CHST3: variants seen among roughly 807,000 people sequenced by gnomAD.
CHST3 encodes the protein C6ST-1.
A neutral mutation model predicts 35.4 loss-of-function variants in CHST3; 20 were observed. The observed-to-expected ratio is 0.57, with a 90% CI of 0.40 to 0.82. CHST3 has a LOEUF of 0.82. CHST3 is among the 40% of genes least tolerant of loss of function. The pLI is 0.00. For missense variants in CHST3, 693 were observed against 670.1 expected (o/e 1.03, Z -0.38); for synonymous variants, 334 against 295.9 (o/e 1.13, Z -1.32).
At chr10:71,978,397 G>A (rs192619355) in intron 1 of CHST3, among the ~76,000 whole-genome samples, 145 of 151,882 alleles carry the variant, frequency 9.5e-4, no homozygotes, top group Admixed American at 6.4e-3. Context: ...GGCTCAGCTG[G>A]GCTTGGATCT....
chr10:71,969,965 T>C (rs1434156697), intron 1 of CHST3, among the ~76,000 whole-genome samples: 1 of 152,220 alleles, frequency 6.6e-6, no homozygotes, highest in African/African-American at 2.4e-5. Context: ...ACAGAAATGA[T>C]ATTTGCCACC....
chr10:71,968,890 C>G (rs114304921), intron 1 of CHST3, among the ~76,000 whole-genome samples: 2,151 of 152,208 alleles, frequency 0.014, 46 homozygotes, highest in African/African-American at 0.047. Context: ...GACAAAGCTG[C>G]CTCTTGTGAC....
In CHST3 at chr10:72,009,169, A is replaced by G. The variant is rs1409740449; in HGVS notation, c.*698A>G. 1 of 152,292 alleles carries G rather than the reference A, an allele frequency of 6.6e-6. No homozygotes were observed. The highest frequency in any genetic ancestry group is 2.4e-5 in the African/African-American group (1 of 41,462). The allele number at this position is 152,292 out of a possible 1,614,324, so 9.4% of individuals were successfully genotyped here. A position where few individuals can be genotyped will look rare whatever the true frequency, so the allele number is the denominator to read the frequency against. On this transcript the variant is annotated 3_prime_UTR_variant, in exon 3 of 3. Coordinates refer to ENST00000373115, the MANE Select transcript of CHST3 (RefSeq NM_004273.5). ...CACAAGTGCACACACATCTATGCAG[A>G]CAAGCTTCCTCGCTGCTTATGCCCA...
intron 1 of CHST3, among the ~76,000 whole-genome samples, chr10:71,997,299 G>C (rs918316276): frequency 1.3e-5 from 2 of 152,148 alleles, no homozygotes; most frequent in South Asian, 2.1e-4. Flanking sequence ...AAGTGAGATT[G>C]TATAGTATTT....
intron 1 of CHST3, among the ~76,000 whole-genome samples, chr10:71,991,709 G>C (rs953574646): frequency 6.6e-6 from 1 of 152,144 alleles, no homozygotes; most frequent in Non-Finnish European, 1.5e-5. Context: ...AAGTCAGGCG[G>C]ATCACCTGAG....
chr10:71,980,585 A>G (rs1839791308), intron 1 of CHST3, among the ~76,000 whole-genome samples: 1 of 152,240 alleles, frequency 6.6e-6, no homozygotes, highest in South Asian at 2.1e-4. Context: ...GTGCTAAAAC[A>G]ATCTGCTCCC....
At chr10:71,970,120 G>C (rs1331672239) in intron 1 of CHST3, among the ~76,000 whole-genome samples, 1 of 152,170 alleles carries the variant, frequency 6.6e-6, no homozygotes, top group East Asian at 1.9e-4. Context: ...TCAGCCCTCT[G>C]TCTCTATTGC....
At chr10:71,995,149 G>C (rs1237916639) in intron 1 of CHST3, among the ~76,000 whole-genome samples, 1 of 152,128 alleles carries the variant, frequency 6.6e-6, no homozygotes, top group African/African-American at 2.4e-5. Flanking sequence ...TTCCAGCCGG[G>C]TGCGGTGACT....
Position 71,987,156 on chromosome 10 carries a change from C to T in CHST3, c.-107-18580C>T, listed in dbSNP as rs116394717. 6.2e-3 allele frequency among the ~76,000 whole-genome samples: 939 copies of T among 152,192 alleles called. 11 individuals are homozygous for T. The highest frequency in any genetic ancestry group is 0.022 in the African/African-American group (895 of 41,522). ...GTCAGAGGATAGCAGCAGACACATG[C>T]GGACCAAGCCTCCTGCTGCCCAAGA... On this transcript the variant is annotated intron_variant, in intron 1 of 2. Coordinates refer to ENST00000373115, the MANE Select transcript of CHST3 (RefSeq NM_004273.5).
chr10:72,010,537 G>A lies in CHST3; in HGVS notation c.*2066G>A, dbSNP rs1425485755. On this transcript the variant is annotated 3_prime_UTR_variant, in exon 3 of 3. Transcript: ENST00000373115. ...CTATAATCAGCCTATTTGAGCTGCT[G>A]GGTCTCTGTCACTGTGGACTCCAGT... is the stretch of plus-strand genomic sequence containing the variant. 6.6e-6 allele frequency: 1 copy of A among 152,182 alleles called. No homozygotes were observed. Among genetic ancestry groups the A allele is most frequent in the African/African-American group, 2.4e-5 (1 of 41,430 alleles). 9.4% of individuals were successfully genotyped at this position (152,182 alleles called of 1,614,324 possible). A position where few individuals can be genotyped will look rare whatever the true frequency, so the allele number is the denominator to read the frequency against.
chr10:72,006,961 CT>C (rs1401137967), intron 2 of CHST3, among the ~76,000 whole-genome samples: 1 of 152,260 alleles, frequency 6.6e-6, no homozygotes, highest in Admixed American at 6.5e-5. Context: ...TCATGCACCT[CT>C]TTCCTCCCCT....
intron 1 of CHST3, among the ~76,000 whole-genome samples, chr10:71,976,449 G>T (rs1839746643): frequency 6.6e-6 from 1 of 152,148 alleles, no homozygotes; most frequent in Admixed American, 6.5e-5. Flanking sequence ...TACAACTCTG[G>T]CCCCTACCCC....
chr10:71,978,580 T>C (rs1421564133), intron 1 of CHST3, among the ~76,000 whole-genome samples: 1 of 152,242 alleles, frequency 6.6e-6, no homozygotes, highest in Non-Finnish European at 1.5e-5. Context: ...TACCCTTTAC[T>C]ATGTGCAAGG....
At position 72,010,874 on chromosome 10, in the gene CHST3, GC is replaced by G; in HGVS notation, c.*2406del. The G allele has an allele frequency of 6.6e-6, 1 of 152,344 alleles. No individual in the cohort carries two copies. Among genetic ancestry groups the G allele is most frequent in the Non-Finnish European group, 1.5e-5 (1 of 68,106 alleles). 9.4% of individuals were successfully genotyped at this position (152,344 alleles called of 1,614,324 possible). On this transcript the variant is annotated 3_prime_UTR_variant, in exon 3 of 3. Coordinates refer to ENST00000373115, the MANE Select transcript of CHST3 (RefSeq NM_004273.5). ...CCTCCATCCAAGGCTCTTCCTAGGGGCCCTGCTAATGTGGACAGTAGACTTT... is the reference window on the plus strand; with the variant it reads ...CCTCCATCCAAGGCTCTTCCTAGGGGCCTGCTAATGTGGACAGTAGACTTT...
rs922126235 is a variant in CHST3, at chr10:71,976,469, T to C, written c.-108+11775T>C. 1.3e-5 allele frequency among the ~76,000 whole-genome samples: 2 copies of C among 152,198 alleles called. 1 individual carries two copies. Among genetic ancestry groups the C allele is most frequent in the Admixed American group, 1.3e-4 (2 of 15,282 alleles). On this transcript the variant is annotated intron_variant, in intron 1 of 2. Coordinates refer to ENST00000373115, the MANE Select transcript of CHST3 (RefSeq NM_004273.5). ...CTCTGGCCCCTACCCCAAGGATTTC[T>C]GGGAAGCCCCCAGGAATGCTGATAA...
chr10:71,984,083 C>T (rs530824251), intron 1 of CHST3, among the ~76,000 whole-genome samples: 9 of 152,340 alleles, frequency 5.9e-5, no homozygotes, highest in South Asian at 2.1e-4. Context: ...AGCGCAGTGG[C>T]GCAATCTCAG....
At chr10:71,981,402 C>T (rs1175088829) in intron 1 of CHST3, among the ~76,000 whole-genome samples, 2 of 152,334 alleles carry the variant, frequency 1.3e-5, no homozygotes, top group African/African-American at 4.8e-5. Flanking sequence ...AGAAGCCAGC[C>T]CTCAGCTGGG....
In CHST3 at chr10:72,007,472, C is replaced by G. The variant is rs1359862745; in HGVS notation, c.441C>G (p.Phe147Leu). 7 of 1,602,254 alleles carry G rather than the reference C, an allele frequency of 4.4e-6. No individual in the cohort carries two copies. The highest frequency in any genetic ancestry group is 4.2e-6 in the Non-Finnish European group (5 of 1,179,718). Residue 147 changes from phenylalanine to leucine, a missense_variant, in exon 3 of 3, where the codon TTC becomes TTG. Transcript: ENST00000373115. Reference sequence around the variant, plus strand: ...CCACCACGCGCACCGGCTCCTCGTTCGTGGGCGAGTTCTTCAACCAGCAGG... The same window carrying G: ...CCACCACGCGCACCGGCTCCTCGTTGGTGGGCGAGTTCTTCAACCAGCAGG... ...LMATTRTGSS[F>L]VGEFFNQQGN...
At chr10:71,980,445 TTGTGTTTAAAAA>T (rs1839789303) in intron 1 of CHST3, among the ~76,000 whole-genome samples, 1 of 152,144 alleles carries the variant, frequency 6.6e-6, no homozygotes, top group African/African-American at 2.4e-5. Context: ...CACAATGCTG[TTGTGTTTAAAAA>T]AGAAAAAAAA....
Sources: allele counts gnomAD v4.1 joint callset (sites outside exome capture counted in the v4.1 genomes callset), GRCh38; gene constraint gnomAD v4.1.1; transcripts MANE v1.5; gene names NCBI Gene and HGNC (gene_info 2026-07-23, HGNC 2026-07-21).